The following DMD variants were observed in gnomAD, a reference collection of about 807,000 sequenced individuals.
The protein encoded by DMD is mutant dystrophin.
DMD carries 63 observed loss-of-function variants against 330.1 expected under a neutral mutation model. The ratio of observed to expected loss-of-function variants is 0.19; its 90% CI spans 0.16 to 0.24. The LOEUF is 0.24. Ranked by LOEUF, DMD falls within the 10% of genes least tolerant of loss-of-function variation. The pLI is 1.00. For synonymous variants in DMD, 1,223 were observed against 959.8 expected, an observed-to-expected ratio of 1.27 and a Z score of -5.07; for missense variants, 3,344 against 2,684.1, an observed-to-expected ratio of 1.25 and a Z score of -5.43.
chrX:33,026,677 G>T (rs768789324), intron 1 of DMD, among the ~76,000 whole-genome samples: 1 of 111,669 alleles, frequency 9.0e-6, no homozygotes, highest in South Asian at 3.8e-4. Flanking sequence ...CTGAGGTGAC[G>T]TTAGTGGTCA....
chrX:32,210,869 T>G (rs1483620309), intron 44 of DMD, among the ~76,000 whole-genome samples: 2 of 111,671 alleles, frequency 1.8e-5, no homozygotes, highest in Non-Finnish European at 3.8e-5. Context: ...GTATTTCCAT[T>G]AAGAGGAGGA....
Position 33,032,045 on chromosome X carries a change from G to A in DMD, c.32-11845C>T, listed in dbSNP as rs147277016. Among the ~76,000 whole-genome samples, 24 of 111,348 alleles carry A rather than the reference G, an allele frequency of 2.2e-4. No homozygotes were observed. In the East Asian group the frequency reaches 5.1e-3, roughly 24 times the overall value. ...TGGTAGTTTACATTATTTGCTCATC[G>A]GTTTCTTTTTCTTCCTCCTTTCCAC... On this transcript the variant is annotated intron_variant, in intron 1 of 78. Transcript: ENST00000357033.
At chrX:33,098,118 A>G (rs1360017877) in intron 1 of DMD, among the ~76,000 whole-genome samples, 3 of 111,921 alleles carry the variant, frequency 2.7e-5, no homozygotes, top group Non-Finnish European at 5.6e-5. Flanking sequence ...ATAATACAGC[A>G]TATTTGGACT....
Position 32,882,321 on chromosome X carries a change from C to T in DMD, c.94-32501G>A, listed in dbSNP as rs111931422. On this transcript the variant is annotated intron_variant, in intron 2 of 78. Transcript: ENST00000357033. ...CGGTAGCTACTTTGTGCACTTGCTA[C>T]CTCTTCTCTTTGTCAATTTTTCAAT... 4.3e-3 allele frequency among the ~76,000 whole-genome samples: 477 copies of T among 111,814 alleles called. 7 individuals are homozygous for T. The East Asian group carries it at 0.062, about 15-fold the overall frequency.
At chrX:32,235,650 G>C (rs1379981598) in intron 43 of DMD, among the ~76,000 whole-genome samples, 3 of 111,633 alleles carry the variant, frequency 2.7e-5, no homozygotes, top group African/African-American at 9.8e-5. Flanking sequence ...GGTGTATCTT[G>C]TTTTATTTTT....
chrX:32,017,668 A>G (rs1382600295), intron 44 of DMD, among the ~76,000 whole-genome samples: 1 of 111,913 alleles, frequency 8.9e-6, no homozygotes, highest in African/African-American at 3.2e-5. Flanking sequence ...CGCCAGAAGT[A>G]TATCCAAGAT....
chrX:32,930,158 T>G (rs1317872333), intron 2 of DMD, among the ~76,000 whole-genome samples: 1 of 111,242 alleles, frequency 9.0e-6, no homozygotes, highest in Non-Finnish European at 1.9e-5. Flanking sequence ...AAAGCCTATT[T>G]TATAATAAAA....
intron 47 of DMD, among the ~76,000 whole-genome samples, chrX:31,884,507 A>AGAT (rs1413770950): frequency 9.0e-6 from 1 of 111,412 alleles, no homozygotes; most frequent in Non-Finnish European, 1.9e-5. Flanking sequence ...GTGATTTGGG[A>AGAT]GATATTGATG....
intron 42 of DMD, among the ~76,000 whole-genome samples, chrX:32,291,963 A>T (rs2148481504): frequency 8.9e-6 from 1 of 111,774 alleles, no homozygotes; most frequent in East Asian, 2.8e-4. Context: ...GGAGAGATTT[A>T]AAAACTTTTA....
chrX:31,887,927 G>C (rs1367159448), intron 47 of DMD, among the ~76,000 whole-genome samples: 1 of 112,164 alleles, frequency 8.9e-6, no homozygotes, highest in Non-Finnish European at 1.9e-5. Flanking sequence ...AAACAGAAAA[G>C]AGAAGGTAAA....
intron 7 of DMD, among the ~76,000 whole-genome samples, chrX:32,776,053 A>C (rs2074107882): frequency 9.0e-6 from 1 of 111,674 alleles, no homozygotes; most frequent in Non-Finnish European, 1.9e-5. Context: ...TCATCTCTCA[A>C]GTTCAAAGTT....
intron 13 of DMD, among the ~76,000 whole-genome samples, chrX:32,586,466 A>G (rs2149217360): frequency 9.2e-6 from 1 of 108,919 alleles, no homozygotes; most frequent in East Asian, 2.9e-4. Context: ...TTTATATTAT[A>G]TATATTTGTA....
chrX:31,475,890 T>C (rs1187717451), intron 59 of DMD, among the ~76,000 whole-genome samples: 1 of 111,699 alleles, frequency 9.0e-6, no homozygotes, highest in Non-Finnish European at 1.9e-5. Flanking sequence ...CTTTTATAAC[T>C]ACCTGTCCAG....
intron 47 of DMD, among the ~76,000 whole-genome samples, chrX:31,903,349 A>G (rs1310245960): frequency 8.9e-6 from 1 of 111,767 alleles, no homozygotes; most frequent in Non-Finnish European, 1.9e-5. Context: ...ACTGATCTCA[A>G]AGGAAAGTTG....
chrX:32,627,361 T>C lies in DMD; in HGVS notation c.1332-12908A>G, dbSNP rs1383017550. Among the ~76,000 whole-genome samples the C allele has an allele frequency of 1.9e-5, 2 of 104,417 alleles. 1 individual carries two copies. The highest frequency in any genetic ancestry group is 8.2e-5 in the African/African-American group (2 of 24,526). The allele number at this position is 104,417 out of a possible 115,157, so 90.7% of individuals were successfully genotyped here. On this transcript the variant is annotated intron_variant, in intron 11 of 78. Coordinates refer to ENST00000357033, the MANE Select transcript of DMD (RefSeq NM_004006.3). Reference sequence around the variant, plus strand: ...TGACTTCCACAAGTACTAAAATATCTATTATGTACCCCCAGAAATTACAAA... The same window carrying C: ...TGACTTCCACAAGTACTAAAATATCCATTATGTACCCCCAGAAATTACAAA...
chrX:31,124,473 C>T (rs912560170), intron 78 of DMD, among the ~76,000 whole-genome samples: 29 of 111,190 alleles, frequency 2.6e-4, no homozygotes, highest in African/African-American at 9.2e-4. Flanking sequence ...GCAGAGCATT[C>T]GGGAGGTCAT....
At chrX:31,479,213 C>A (rs1219939168) in intron 57 of DMD, 110 bp from the exon 58 acceptor site, 1 of 895,688 alleles carries the variant, frequency 1.1e-6, no homozygotes, top group Non-Finnish European at 1.6e-6. Context: ...ATTTCTATCT[C>A]TTTTATTTAT....
chrX:31,232,131 G>C (rs1372194907), intron 63 of DMD, among the ~76,000 whole-genome samples: 1 of 106,800 alleles, frequency 9.4e-6, no homozygotes, highest in Non-Finnish European at 1.9e-5. Flanking sequence ...GAAGAAGGTG[G>C]GGCTTTAAGA....
rs189660402 is a variant in DMD at position 32,379,410 on chromosome X, C to T, written c.4845+1100G>A. Among the ~76,000 whole-genome samples, 17 of 110,771 alleles carry T rather than the reference C, an allele frequency of 1.5e-4. No individual in the cohort carries two copies. The East Asian group carries it at 4.6e-3, about 30-fold the overall frequency. On this transcript the variant is annotated intron_variant, in intron 34 of 78. Coordinates refer to ENST00000357033, the MANE Select transcript of DMD (RefSeq NM_004006.3). Reference sequence around the variant, plus strand: ...TGGTGAGGCTAATGCAAAAATACCTCAAGTAATATGTTTGAATGATAAGAA... The same window carrying T: ...TGGTGAGGCTAATGCAAAAATACCTTAAGTAATATGTTTGAATGATAAGAA...
Sources: gnomAD v4.1 joint callset for allele counts (sites outside exome capture counted in the v4.1 genomes callset) on GRCh38, gnomAD v4.1.1 for gene constraint, MANE v1.5 for transcripts, NCBI Gene and HGNC (gene_info 2026-07-23, HGNC 2026-07-21) for gene names.